Variants in CDC14B observed in about 807,000 individuals in gnomAD.
CDC14B encodes the protein cell division cycle 14B.
CDC14B carries 22 observed loss-of-function variants against 64.2 expected under a neutral mutation model. That is an observed-to-expected ratio of 0.34 (90% CI 0.24 to 0.49). The LOEUF is 0.49. Ranked by LOEUF, CDC14B falls within the 20% of genes least tolerant of loss-of-function variation. The pLI, the probability that CDC14B is intolerant of heterozygous loss-of-function variation, is 0.99. For missense variants in CDC14B, 498 were observed against 629.9 expected, an observed-to-expected ratio of 0.79 and a Z score of 2.24; for synonymous variants, 191 against 215.8, an observed-to-expected ratio of 0.89 and a Z score of 1.01.
intron 4 of CDC14B, among the ~76,000 whole-genome samples, chr9:96,559,978 C>T (rs1842943968): frequency 6.6e-6 from 1 of 152,196 alleles, no homozygotes; most frequent in Non-Finnish European, 1.5e-5. Flanking sequence ...ATACATACGT[C>T]AAGGGGTTGT....
At chr9:96,584,123 G>A (rs1845332379) in intron 1 of CDC14B, among the ~76,000 whole-genome samples, 1 of 152,208 alleles carries the variant, frequency 6.6e-6, no homozygotes, top group African/African-American at 2.4e-5. Flanking sequence ...CCCACAAAAT[G>A]CAAGAGCTAA....
At chr9:96,499,309 C>A (rs1261097067), downstream of CDC14B, among the ~76,000 whole-genome samples, 1 of 152,188 alleles carries the variant, frequency 6.6e-6, no homozygotes, top group East Asian at 1.9e-4. Context: ...TAGAACTCGA[C>A]AGAACACAGG....
intron 9 of CDC14B, among the ~76,000 whole-genome samples, chr9:96,526,240 C>T (rs1198063628): frequency 6.6e-6 from 1 of 152,118 alleles, no homozygotes; most frequent in Admixed American, 6.5e-5. Context: ...TGGTGGCAGG[C>T]ACCTGTAGTC....
intron 1 of CDC14B, among the ~76,000 whole-genome samples, chr9:96,578,245 T>C (rs1290182818): frequency 1.3e-5 from 2 of 152,176 alleles, no homozygotes; most frequent in South Asian, 2.1e-4. Context: ...ATTGAGTAAG[T>C]AAATGGAGAG....
chr9:96,618,930 G>A (rs1002380128), intron 1 of CDC14B, among the ~76,000 whole-genome samples: 1 of 152,220 alleles, frequency 6.6e-6, no homozygotes, highest in Non-Finnish European at 1.5e-5. Context: ...GCGCCGGGCT[G>A]ACGCCCGCAA....
intron 1 of CDC14B, chr9:96,566,990 CG>C (rs1844096693): frequency 7.0e-7 from 1 of 1,435,174 alleles, no homozygotes; most frequent in Non-Finnish European, 9.1e-7. Context: ...AGCGCAACCC[CG>C]GAAGTCCCCA....
chr9:96,612,821 TA>T (rs2119040367), intron 1 of CDC14B, among the ~76,000 whole-genome samples: 1 of 152,254 alleles, frequency 6.6e-6, no homozygotes, highest in South Asian at 2.1e-4. Context: ...CTTGGCAGAG[TA>T]GGTATTCATT....
chr9:96,528,049 A>C (rs1391299648), intron 9 of CDC14B, among the ~76,000 whole-genome samples: 1 of 152,224 alleles, frequency 6.6e-6, no homozygotes, highest in Admixed American at 6.5e-5. Context: ...TCTGACTGGC[A>C]AACCTAAATT....
intron 1 of CDC14B, among the ~76,000 whole-genome samples, chr9:96,607,011 A>C (rs1291072242): frequency 6.6e-6 from 1 of 151,846 alleles, no homozygotes; most frequent in Non-Finnish European, 1.5e-5. Flanking sequence ...TGGCCAAGAG[A>C]GCAAGACTGT....
chr9:96,502,870 A>G lies in CDC14B; in HGVS notation c.*883T>C. 1 of 398,096 alleles carries G rather than the reference A, an allele frequency of 2.5e-6. No individual in the cohort carries two copies. The highest frequency in any genetic ancestry group is 4.4e-6 in the Non-Finnish European group (1 of 225,952). The allele number at this position is 398,096 out of a possible 1,614,324, so 24.7% of individuals were successfully genotyped here. On this transcript the variant is annotated 3_prime_UTR_variant, in exon 14 of 14. Transcript: ENST00000375241. ...AAAGTGGTAACTTTTTTTTTTTGTA[A>G]GCCGACATTATTTGGGATTGCTGTT...
rs776137471 is a variant in CDC14B at position 96,619,403 on chromosome 9, G to T, written c.-25C>A. The T allele has an allele frequency of 1.0e-5, 12 of 1,167,266 alleles. No individual in the cohort carries two copies. In the African/African-American group the frequency reaches 1.8e-4, roughly 17 times the overall value. 72.3% of individuals were successfully genotyped at this position (1,167,266 alleles called of 1,614,324 possible). On this transcript the variant is annotated 5_prime_UTR_variant, in exon 1 of 14. Transcript: ENST00000375241. ...TGGAGGCGGCCGCGGCCCGTCAGGG[G>T]GCCACGACCATGGCCCCGCGCGCCC...
chr9:96,512,563 A>G (rs940528782), intron 12 of CDC14B, among the ~76,000 whole-genome samples: 1 of 152,058 alleles, frequency 6.6e-6, no homozygotes, highest in Admixed American at 6.6e-5. Flanking sequence ...GGCCTCAGTG[A>G]TTCTCTTTCC....
At chr9:96,536,143 C>A (rs1020403570) in intron 7 of CDC14B, among the ~76,000 whole-genome samples, 77 of 152,130 alleles carry the variant, frequency 5.1e-4, no homozygotes, top group Admixed American at 1.9e-3. Context: ...TGACACTATC[C>A]CCAAATTTCT....
At chr9:96,552,614 A>G (rs1001671825) in intron 4 of CDC14B, among the ~76,000 whole-genome samples, 1 of 152,128 alleles carries the variant, frequency 6.6e-6, no homozygotes, top group African/African-American at 2.4e-5. Flanking sequence ...CTAGTGTTAC[A>G]GAAGTATTTT....
chr9:96,508,204 C>T (rs536511553), intron 13 of CDC14B, among the ~76,000 whole-genome samples: 134 of 152,016 alleles, frequency 8.8e-4, no homozygotes, highest in African/African-American at 2.8e-3. Flanking sequence ...TTAGTAGAGA[C>T]GGGGTTTCAC....
chr9:96,550,058 T>C (rs1342204173), intron 5 of CDC14B, among the ~76,000 whole-genome samples: 3 of 152,222 alleles, frequency 2.0e-5, no homozygotes, highest in African/African-American at 4.8e-5. Context: ...AAGAGTTCTA[T>C]AGAACAAATG....
intron 3 of CDC14B, among the ~76,000 whole-genome samples, chr9:96,563,362 A>G (rs1843472343): frequency 6.6e-6 from 1 of 152,170 alleles, no homozygotes; most frequent in South Asian, 2.1e-4. Flanking sequence ...TATATGTTAA[A>G]AAGTTTTCTG....
intron 9 of CDC14B, among the ~76,000 whole-genome samples, chr9:96,525,413 C>A (rs900132347): frequency 6.7e-6 from 1 of 148,530 alleles, no homozygotes; most frequent in Admixed American, 6.7e-5. Flanking sequence ...AATTTAGAGA[C>A]CCCCAGTGCT....
chr9:96,491,473 G>A (rs1419412103), exon 14 of CDC14B: 3 of 152,132 alleles, frequency 2.0e-5, no homozygotes, highest in Non-Finnish European at 4.4e-5. Context: ...CCTACTTTTG[G>A]TCTCTTATTT....
Sources: gnomAD v4.1 joint callset for allele counts (sites outside exome capture counted in the v4.1 genomes callset) on GRCh38, gnomAD v4.1.1 for gene constraint, MANE v1.5 for transcripts, NCBI Gene and HGNC (gene_info 2026-07-23, HGNC 2026-07-21) for gene names.